PDE7A: variants seen among roughly 807,000 people sequenced by gnomAD.
The protein encoded by PDE7A is phosphodiesterase 7A, also known as high affinity 3',5'-cyclic-AMP phosphodiesterase 7A.
In PDE7A, 39 loss-of-function variants were observed where a neutral mutation model predicts 64.3. The ratio of observed to expected loss-of-function variants is 0.61; its 90% confidence interval spans 0.47 to 0.79. The LOEUF is 0.79. PDE7A is among the 30% of genes least tolerant of loss of function. PDE7A has a pLI of 0.00. For synonymous variants in PDE7A, 203 were observed against 206.8 expected, an observed-to-expected ratio of 0.98 and a Z score of 0.16; for missense variants, 470 against 582.8, an observed-to-expected ratio of 0.81 and a Z score of 1.99.
intron 7 of PDE7A, among the ~76,000 whole-genome samples, chr8:65,730,725 C>T (rs187326193): frequency 3.3e-5 from 5 of 151,998 alleles, no homozygotes; most frequent in South Asian, 2.1e-4. Flanking sequence ...GTCAGGAGTT[C>T]GAGACTAGCC....
chr8:65,753,235 G>A (rs115905909), intron 3 of PDE7A, among the ~76,000 whole-genome samples: 1 of 152,138 alleles, frequency 6.6e-6, no homozygotes, highest in Non-Finnish European at 1.5e-5. Context: ...TATTGAATGA[G>A]CTGAATTTTC....
At chr8:65,790,388 G>A (rs1438001697) in intron 1 of PDE7A, among the ~76,000 whole-genome samples, 2 of 152,182 alleles carry the variant, frequency 1.3e-5, no homozygotes, top group Non-Finnish European at 2.9e-5. Flanking sequence ...CCACTGCAGA[G>A]GTCCCAGAGA....
chr8:65,833,985 C>G (rs564646449), intron 1 of PDE7A, among the ~76,000 whole-genome samples: 8 of 152,132 alleles, frequency 5.3e-5, no homozygotes, highest in Non-Finnish European at 8.8e-5. Context: ...AAACACCACA[C>G]TAATTAAAAG....
At chr8:65,782,203 T>C (rs1809438169) in intron 2 of PDE7A, among the ~76,000 whole-genome samples, 1 of 152,074 alleles carries the variant, frequency 6.6e-6, no homozygotes, top group Non-Finnish European at 1.5e-5. Context: ...ATAATATGAG[T>C]TAAAGTGCAA....
chr8:65,794,437 A>T (rs1809784927), intron 1 of PDE7A, among the ~76,000 whole-genome samples: 1 of 152,136 alleles, frequency 6.6e-6, no homozygotes, highest in African/African-American at 2.4e-5. Flanking sequence ...GGAAAAAAAA[A>T]AAACTTCACC....
intron 1 of PDE7A, among the ~76,000 whole-genome samples, chr8:65,836,822 T>C (rs930906715): frequency 3.2e-4 from 48 of 152,194 alleles, no homozygotes; most frequent in Admixed American, 3.9e-4. Context: ...CTAGTGACTA[T>C]CATCAGATAG....
At chr8:65,739,855 A>C in intron 5 of PDE7A, among the ~76,000 whole-genome samples, 1 of 152,192 alleles carries the variant, frequency 6.6e-6, no homozygotes, top group Non-Finnish European at 1.5e-5. Flanking sequence ...CAAATAGATT[A>C]ATTTTTTAAA....
intron 3 of PDE7A, among the ~76,000 whole-genome samples, chr8:65,759,415 C>A (rs1309656546): frequency 6.6e-6 from 1 of 152,246 alleles, no homozygotes; most frequent in African/African-American, 2.4e-5. Context: ...AAGGTCCCCA[C>A]TTCCCACCCT....
At chr8:65,777,077 C>CTTTTTT (rs56661178) in intron 3 of PDE7A, among the ~76,000 whole-genome samples, 3 of 90,462 alleles carry the variant, frequency 3.3e-5, no homozygotes, top group African/African-American at 5.4e-5. Flanking sequence ...TTATCAAATG[C>CTTTTTT]TTTTTTTTTT....
Position 65,715,875 on chromosome 8 carries a change from C to A in PDE7A, c.*3415G>T, listed in dbSNP as rs1436018013. ...TGGTGGCGGGCGCCTGTAGTCCCAG[C>A]GACCTGGGAGACTGAGGCAGGAGAA... On this transcript the variant is annotated 3_prime_UTR_variant, in exon 13 of 13. Transcript: ENST00000401827. 1.3e-5 allele frequency among the ~76,000 whole-genome samples: 2 copies of A among 149,978 alleles called. No individual in the cohort carries two copies. Among genetic ancestry groups the A allele is most frequent in the Non-Finnish European group, 3.0e-5 (2 of 67,396 alleles).
chr8:65,784,991 C>G (rs1809510250), intron 1 of PDE7A, among the ~76,000 whole-genome samples: 1 of 151,874 alleles, frequency 6.6e-6, no homozygotes, highest in Non-Finnish European at 1.5e-5. Context: ...AAAAAAAAAT[C>G]ACATTTTTTA....
intron 1 of PDE7A, among the ~76,000 whole-genome samples, chr8:65,805,632 C>A (rs1475856172): frequency 6.6e-6 from 1 of 152,224 alleles, no homozygotes; most frequent in African/African-American, 2.4e-5. Context: ...AGTTGTCCCA[C>A]ACATTCCTTC....
chr8:65,790,970 C>T (rs1047240588), intron 1 of PDE7A, among the ~76,000 whole-genome samples: 1 of 152,184 alleles, frequency 6.6e-6, no homozygotes, highest in Non-Finnish European at 1.5e-5. Context: ...CATTCTCTGC[C>T]ACTCTGGCCT....
intron 7 of PDE7A, among the ~76,000 whole-genome samples, chr8:65,732,937 T>TG (rs1806960757): frequency 6.6e-6 from 1 of 152,176 alleles, no homozygotes; most frequent in South Asian, 2.1e-4. Flanking sequence ...CTCAAACTCC[T>TG]GGGCTCAAGC....
rs532349158 is a variant in PDE7A, at chr8:65,739,422, C to T, written c.595+80G>A. 1.1e-4 allele frequency: 157 copies of T among 1,407,100 alleles called. No individual in the cohort carries two copies. In the East Asian group the frequency reaches 1.3e-3, roughly 12 times the overall value. The allele number at this position is 1,407,100 out of a possible 1,614,324, so 87.2% of individuals were successfully genotyped here. A position where few individuals can be genotyped will look rare whatever the true frequency, so the allele number is the denominator to read the frequency against. ...GGTTTGTTATAGAGCAATAGCTAACCGATATAACTGAGATAAAACTTAAAC... is the reference window on the plus strand; with the variant it reads ...GGTTTGTTATAGAGCAATAGCTAACTGATATAACTGAGATAAAACTTAAAC... On this transcript the variant is annotated intron_variant, in intron 6 of 12. Coordinates refer to ENST00000401827, the MANE Select transcript of PDE7A (RefSeq NM_001242318.3).
chr8:65,806,845 G>A (rs1810126846), intron 1 of PDE7A, among the ~76,000 whole-genome samples: 1 of 152,164 alleles, frequency 6.6e-6, no homozygotes, highest in Non-Finnish European at 1.5e-5. Flanking sequence ...AAAATCAGCT[G>A]ACCACAGACA....
At chr8:65,826,465 C>T (rs1585950649) in intron 1 of PDE7A, among the ~76,000 whole-genome samples, 1 of 152,272 alleles carries the variant, frequency 6.6e-6, no homozygotes, top group South Asian at 2.1e-4. Context: ...CCCAGGTTCT[C>T]CTAGCTTCAG....
At position 65,752,400 on chromosome 8, in the gene PDE7A, G is replaced by A. The variant is rs145755578; in HGVS notation, c.284-4597C>T. Among the ~76,000 whole-genome samples, 259 of 152,156 alleles carry A rather than the reference G, an allele frequency of 1.7e-3. 1 individual carries two copies. The highest frequency in any genetic ancestry group is 5.4e-3 in the African/African-American group (226 of 41,540). On this transcript the variant is annotated intron_variant, in intron 3 of 12. Coordinates refer to ENST00000401827, the MANE Select transcript of PDE7A (RefSeq NM_001242318.3). ...TATATTTCACTCATAATATATTATT[G>A]AATGTTCAAATTTTTTTTCAGTAGT... is the stretch of plus-strand genomic sequence containing the variant.
At chr8:65,790,078 T>C (rs969191000) in intron 1 of PDE7A, among the ~76,000 whole-genome samples, 44 of 152,124 alleles carry the variant, frequency 2.9e-4, no homozygotes, top group African/African-American at 4.8e-5. Flanking sequence ...GGTGCAAGAA[T>C]TGTGAAGACA....
Sources: gnomAD v4.1 joint callset for allele counts (sites outside exome capture counted in the v4.1 genomes callset) on GRCh38, gnomAD v4.1.1 for gene constraint, MANE v1.5 for transcripts, NCBI Gene and HGNC (gene_info 2026-07-23, HGNC 2026-07-21) for gene names.